CDK19: variants seen among roughly 807,000 people sequenced by gnomAD.
CDK19 encodes cyclin dependent kinase 19.
A neutral mutation model predicts 68.3 loss-of-function variants in CDK19; 20 were observed. The ratio of observed to expected loss-of-function variants is 0.29; its 90% CI spans 0.21 to 0.43. CDK19 has a LOEUF of 0.43. CDK19 is among the 20% of genes least tolerant of loss of function. CDK19 has a pLI of 1.00. For synonymous variants in CDK19, 221 were observed against 222.8 expected, an observed-to-expected ratio of 0.99 and a Z score of 0.07; for missense variants, 339 against 623.5, an observed-to-expected ratio of 0.54 and a Z score of 4.86.
chr6:110,667,701 G>A, intron 3 of CDK19, 127 bp from the exon 4 acceptor site: 1 of 476,668 alleles, frequency 2.1e-6, no homozygotes, highest in Non-Finnish European at 3.5e-6. Flanking sequence ...ATGACACAAA[G>A]AAAAATAATT....
intron 2 of CDK19, among the ~76,000 whole-genome samples, chr6:110,714,136 T>C (rs1421765965): frequency 6.6e-6 from 1 of 152,212 alleles, no homozygotes; most frequent in African/African-American, 2.4e-5. Context: ...ATCTGCTATG[T>C]CTATGGATTT....
intron 1 of CDK19, chr6:110,813,316 T>C (rs1236846648): frequency 2.0e-5 from 3 of 152,150 alleles, no homozygotes; most frequent in East Asian, 3.9e-4. Context: ...AAAGCTATTT[T>C]AACAAAAAAA....
chr6:110,797,898 T>A (rs1406056531), intron 1 of CDK19, among the ~76,000 whole-genome samples: 1 of 142,268 alleles, frequency 7.0e-6, no homozygotes, highest in Non-Finnish European at 1.5e-5. Flanking sequence ...GGCAGGAGAA[T>A]CACTTGAACC....
chr6:110,775,673 T>C (rs2115011147), intron 1 of CDK19, among the ~76,000 whole-genome samples: 1 of 152,264 alleles, frequency 6.6e-6, no homozygotes, highest in South Asian at 2.1e-4. Context: ...GTAATAGGGA[T>C]AAAAGACTAC....
At chr6:110,732,157 T>G (rs1776812885) in intron 2 of CDK19, among the ~76,000 whole-genome samples, 1 of 151,318 alleles carries the variant, frequency 6.6e-6, no homozygotes, top group Non-Finnish European at 1.5e-5. Flanking sequence ...TAAATCTCTC[T>G]TAAATCTCAA....
intron 2 of CDK19, among the ~76,000 whole-genome samples, chr6:110,679,685 T>A (rs1448361989): frequency 6.6e-6 from 1 of 152,222 alleles, no homozygotes; most frequent in African/African-American, 2.4e-5. Flanking sequence ...TATACCTGTA[T>A]AACAGTCATA....
At chr6:110,631,383 T>C (rs896157651) in intron 6 of CDK19, among the ~76,000 whole-genome samples, 1 of 152,216 alleles carries the variant, frequency 6.6e-6, no homozygotes, top group African/African-American at 2.4e-5. Context: ...GTGAGGATAC[T>C]GCAGTCACCA....
intron 6 of CDK19, among the ~76,000 whole-genome samples, chr6:110,627,987 A>G (rs1368482299): frequency 2.6e-5 from 4 of 152,134 alleles, no homozygotes; most frequent in Non-Finnish European, 5.9e-5. Flanking sequence ...AGGTGGGCGG[A>G]TCACTTGAGG....
intron 4 of CDK19, among the ~76,000 whole-genome samples, chr6:110,662,195 C>T (rs1238969986): frequency 6.6e-6 from 1 of 152,140 alleles, no homozygotes; most frequent in East Asian, 1.9e-4. Flanking sequence ...GTCTCAAACT[C>T]CTGACCTCAG....
intron 1 of CDK19, among the ~76,000 whole-genome samples, chr6:110,808,003 T>C (rs915769351): frequency 1.3e-5 from 2 of 152,168 alleles, no homozygotes; most frequent in Non-Finnish European, 2.9e-5. Context: ...TCTTCAAGTA[T>C]TGGTTTGCTT....
At position 110,648,538 on chromosome 6, in the gene CDK19, C is replaced by CTTTTTTT. The variant is rs60624969; in HGVS notation, c.457-9839_457-9833dup. On this transcript the variant is annotated intron_variant, in intron 4 of 12. Coordinates refer to ENST00000368911, the MANE Select transcript of CDK19 (RefSeq NM_015076.5). Reference sequence around the variant, plus strand: ...AACACCATGAAATCTTTTTTCTTTTCTTTTTTTTTTTTTTTTTTTTGAGAA... The same window carrying CTTTTTTT: ...AACACCATGAAATCTTTTTTCTTTTCTTTTTTTTTTTTTTTTTTTTTTTTTTTGAGAA... 2.4e-4 allele frequency among the ~76,000 whole-genome samples: 29 copies of CTTTTTTT among 120,216 alleles called. 1 individual carries two copies. Among genetic ancestry groups the CTTTTTTT allele is most frequent in the East Asian group, 1.6e-3 (6 of 3,810 alleles). The allele number at this position is 120,216 out of a possible 152,430, so 78.9% of individuals were successfully genotyped here.
Position 110,804,643 on chromosome 6 carries a change from G to A in CDK19, c.128+10366C>T, listed in dbSNP as rs1016411118. Among the ~76,000 whole-genome samples, 10 of 145,848 alleles carry A rather than the reference G, an allele frequency of 6.9e-5. No individual in the cohort carries two copies. The East Asian group carries it at 1.2e-3, about 17-fold the overall frequency. The stretch of plus-strand genomic sequence containing the variant: ...TAACAGGCGTGAGCCACCACACCCC[G>A]CCAAGTTAAAGATATTTTATAAAGA... On this transcript the variant is annotated intron_variant, in intron 1 of 12. Transcript: ENST00000368911.
intron 2 of CDK19, among the ~76,000 whole-genome samples, chr6:110,736,434 T>C (rs777140247): frequency 3.3e-5 from 5 of 152,184 alleles, no homozygotes; most frequent in African/African-American, 9.7e-5. Context: ...TACAGGATAA[T>C]AGTGGAATCC....
intron 6 of CDK19, among the ~76,000 whole-genome samples, chr6:110,627,363 T>A (rs1341942477): frequency 6.6e-6 from 1 of 152,152 alleles, no homozygotes. Flanking sequence ...TGTATATATA[T>A]ATACATGACA....
intron 1 of CDK19, among the ~76,000 whole-genome samples, chr6:110,804,391 G>A (rs146785527): frequency 6.6e-6 from 1 of 151,972 alleles, no homozygotes; most frequent in African/African-American, 2.4e-5. Flanking sequence ...GGCCCAGGCT[G>A]GAGTGCAATG....
At chr6:110,670,579 A>G (rs1042203714) in intron 2 of CDK19, 38 bp from the exon 3 acceptor site, 4 of 1,182,438 alleles carry the variant, frequency 3.4e-6, no homozygotes, top group Non-Finnish European at 2.5e-6. Context: ...CTGTTGTGTT[A>G]GCAAGGAGGG....
chr6:110,633,628 AATT>A (rs764201733), intron 5 of CDK19, among the ~76,000 whole-genome samples: 9 of 152,194 alleles, frequency 5.9e-5, no homozygotes, highest in Non-Finnish European at 1.2e-4. Flanking sequence ...TAATAAAAAA[AATT>A]ACTACTGCAA....
At chr6:110,799,737 A>G (rs377648534) in intron 1 of CDK19, among the ~76,000 whole-genome samples, 68 of 152,218 alleles carry the variant, frequency 4.5e-4, no homozygotes, top group Middle Eastern at 3.4e-3. Flanking sequence ...AGCTAGGACC[A>G]CAGGCATGCA....
In CDK19 at chr6:110,621,158, C is replaced by A. The variant is rs1351388448; in HGVS notation, c.1323G>T (p.Arg441=). 6.2e-7 allele frequency: 1 copy of A among 1,614,178 alleles called. No homozygotes were observed. The highest frequency in any genetic ancestry group is 8.5e-7 in the Non-Finnish European group (1 of 1,180,018). Residue 441 remains arginine, a synonymous_variant, in exon 12 of 13, where the codon CGG becomes CGT. Coordinates refer to ENST00000368911, the MANE Select transcript of CDK19 (RefSeq NM_015076.5). The surrounding 1 kb of genome is among the most constrained non-coding windows in gnomAD (Gnocchi z 5.4). Reference sequence around the variant, plus strand: ...CTGAGTTTGCGCCTGAAGGCCCTAGCCGTGGCTTCTTGTTTGGAGGCACCT... The same window carrying A: ...CTGAGTTTGCGCCTGAAGGCCCTAGACGTGGCTTCTTGTTTGGAGGCACCT... ...LNQVPPNKKP[R]LGPSGANSGG...
Sources: allele counts gnomAD v4.1 joint callset (sites outside exome capture counted in the v4.1 genomes callset), GRCh38; gene constraint gnomAD v4.1.1; non-coding constraint Gnocchi (gnomAD v3.1); transcripts MANE v1.5; gene names NCBI Gene and HGNC (gene_info 2026-07-23, HGNC 2026-07-21).